Variants in ANO10 observed in about 807,000 individuals in gnomAD.
The protein encoded by ANO10 is anoctamin-10.
ANO10 carries 77 observed loss-of-function variants against 74.7 expected under a neutral mutation model. The observed-to-expected ratio is 1.03, with a 90% CI of 0.86 to 1.25. The LOEUF is 1.25. Among genes scored for constraint, ANO10 ranks in the 50% most tolerant of loss-of-function variants. ANO10 has a pLI of 0.00. For synonymous variants in ANO10, 279 were observed against 284.9 expected (o/e 0.98, Z 0.21); for missense variants, 721 against 778.1 (o/e 0.93, Z 0.87).
At chr3:43,543,542 C>T (rs1197904726) in intron 11 of ANO10, among the ~76,000 whole-genome samples, 1 of 152,214 alleles carries the variant, frequency 6.6e-6, no homozygotes, top group Non-Finnish European at 1.5e-5. Flanking sequence ...GCGCCCGCCA[C>T]AGCGCCCGCT....
At chr3:43,432,576 A>G in intron 12 of ANO10, 35 bp downstream of exon 12, 1 of 1,471,732 alleles carries the variant, frequency 6.8e-7, no homozygotes, top group Non-Finnish European at 9.5e-7. Flanking sequence ...CATTTGCTAA[A>G]GCAATACATA....
At chr3:43,583,483 A>G (rs991004075) in intron 4 of ANO10, among the ~76,000 whole-genome samples, 1 of 152,262 alleles carries the variant, frequency 6.6e-6, no homozygotes, top group Non-Finnish European at 1.5e-5. Context: ...GACTATCAGT[A>G]ATGTAGTTTA....
chr3:43,681,693 A>G (rs1301869953), intron 1 of ANO10, among the ~76,000 whole-genome samples: 1 of 152,238 alleles, frequency 6.6e-6, no homozygotes, highest in East Asian at 1.9e-4. Context: ...AGCACTCCTC[A>G]GCAAATGTAA....
intron 11 of ANO10, among the ~76,000 whole-genome samples, chr3:43,433,501 G>T (rs1298969069): frequency 6.6e-6 from 1 of 152,046 alleles, no homozygotes; most frequent in Non-Finnish European, 1.5e-5. Flanking sequence ...ATAGCATTTG[G>T]TGCATTTTCT....
chr3:43,398,409 ATAGT>A (rs2092420963), intron 12 of ANO10, among the ~76,000 whole-genome samples: 1 of 152,268 alleles, frequency 6.6e-6, no homozygotes, highest in South Asian at 2.1e-4. Context: ...AACTTTTTAA[ATAGT>A]TAAAGTAATA....
intron 1 of ANO10, among the ~76,000 whole-genome samples, chr3:43,670,784 C>A (rs1348137055): frequency 6.6e-6 from 1 of 152,154 alleles, no homozygotes; most frequent in Non-Finnish European, 1.5e-5. Flanking sequence ...CAAAATTAGT[C>A]TTGTCAGTTT....
At chr3:43,397,896 T>C (rs546019909) in intron 12 of ANO10, among the ~76,000 whole-genome samples, 1 of 152,334 alleles carries the variant, frequency 6.6e-6, no homozygotes, top group African/African-American at 2.4e-5. Flanking sequence ...ATGTCCACTG[T>C]TGGAAAAACA....
At chr3:43,526,183 T>C (rs1365246874) in intron 11 of ANO10, among the ~76,000 whole-genome samples, 2 of 152,198 alleles carry the variant, frequency 1.3e-5, no homozygotes, top group Non-Finnish European at 2.9e-5. Flanking sequence ...ACTGTAAAAT[T>C]ACCTTTCCCA....
chr3:43,487,551 G>C (rs1411489361), intron 11 of ANO10, among the ~76,000 whole-genome samples: 1 of 151,996 alleles, frequency 6.6e-6, no homozygotes, highest in African/African-American at 2.4e-5. Context: ...ATGTGTCGAG[G>C]AATTTATCCA....
At chr3:43,633,828 A>G (rs1034794789) in intron 1 of ANO10, among the ~76,000 whole-genome samples, 2 of 151,984 alleles carry the variant, frequency 1.3e-5, no homozygotes, top group African/African-American at 4.8e-5. Flanking sequence ...TTACTCCTCA[A>G]GTCCCATGGG....
At chr3:43,442,208 C>T (rs2093170404) in intron 11 of ANO10, among the ~76,000 whole-genome samples, 1 of 151,736 alleles carries the variant, frequency 6.6e-6, no homozygotes, top group Admixed American at 6.6e-5. Flanking sequence ...TAAAAGGTAT[C>T]CAAATTGGAA....
chr3:43,535,009 T>A (rs2078644599), intron 11 of ANO10, among the ~76,000 whole-genome samples: 1 of 151,908 alleles, frequency 6.6e-6, no homozygotes, highest in African/African-American at 2.4e-5. Context: ...AGTCTTATTC[T>A]GTCACCCAGG....
chr3:43,660,259 A>T (rs1212138832), intron 1 of ANO10, among the ~76,000 whole-genome samples: 1 of 152,208 alleles, frequency 6.6e-6, no homozygotes, highest in Non-Finnish European at 1.5e-5. Context: ...TGATGAGTTG[A>T]CAGAAGTAGG....
intron 11 of ANO10, among the ~76,000 whole-genome samples, chr3:43,524,284 T>C (rs1358727105): frequency 3.4e-4 from 1 of 2,960 alleles, no homozygotes; most frequent in African/African-American, 4.4e-4. Flanking sequence ...CAAACAAGCA[T>C]TGTGCTTGGT....
chr3:43,586,924 A>G (rs1265670001), intron 4 of ANO10, among the ~76,000 whole-genome samples: 2 of 152,184 alleles, frequency 1.3e-5, no homozygotes, highest in Non-Finnish European at 2.9e-5. Flanking sequence ...AAAGTATGTA[A>G]GAACAAAGAC....
intron 1 of ANO10, chr3:43,618,105 T>A (rs575067080): frequency 3.1e-4 from 47 of 152,406 alleles, no homozygotes; most frequent in African/African-American, 1.0e-3. Context: ...GTTACACAGA[T>A]GTAGACAGAC....
At chr3:43,623,237 T>C (rs901785918), upstream of ANO10, among the ~76,000 whole-genome samples, 3 of 152,178 alleles carry the variant, frequency 2.0e-5, no homozygotes, top group South Asian at 2.1e-4. Flanking sequence ...CAATAAGATA[T>C]TTGGAGAGAG....
intron 1 of ANO10, among the ~76,000 whole-genome samples, chr3:43,649,811 G>C (rs1041045067): frequency 1.3e-5 from 2 of 152,188 alleles, no homozygotes; most frequent in African/African-American, 4.8e-5. Flanking sequence ...GTGCGACAGG[G>C]GTGTGGCTTG....
At chr3:43,670,746 AGT>A (rs2084049218) in intron 1 of ANO10, among the ~76,000 whole-genome samples, 1 of 152,206 alleles carries the variant, frequency 6.6e-6, no homozygotes. Flanking sequence ...CTGGTAGCAC[AGT>A]GGTTACTGTT....
Sources: gnomAD v4.1 joint callset for allele counts (sites outside exome capture counted in the v4.1 genomes callset) on GRCh38, gnomAD v4.1.1 for gene constraint, MANE v1.5 for transcripts, NCBI Gene and HGNC (gene_info 2026-07-23, HGNC 2026-07-21) for gene names.